The following IARS2 variants were observed in gnomAD, a reference collection of about 807,000 sequenced individuals.
The protein encoded by IARS2 is isoleucyl-tRNA synthetase 2, mitochondrial, also known as isoleucine--tRNA ligase, mitochondrial.
IARS2 carries 56 observed loss-of-function variants against 126.3 expected under a neutral mutation model. The ratio of observed to expected loss-of-function variants is 0.44; its 90% confidence interval spans 0.36 to 0.55. IARS2 has a LOEUF of 0.55. Ranked by LOEUF, IARS2 falls within the 20% of genes least tolerant of loss-of-function variation. IARS2 has a pLI of 0.00. For missense variants in IARS2, 1,127 were observed against 1,245.9 expected, an observed-to-expected ratio of 0.90 and a Z score of 1.44; for synonymous variants, 407 against 441.1, an observed-to-expected ratio of 0.92 and a Z score of 0.97.
intron 15 of IARS2, among the ~76,000 whole-genome samples, chr1:220,136,347 G>A (rs1657374836): frequency 6.6e-6 from 1 of 152,168 alleles, no homozygotes. Context: ...GGCCAGGCTG[G>A]CCTCGAGCTC....
intron 13 of IARS2, 53 bp from the exon 14 acceptor site, chr1:220,126,697 T>G (rs1657162492): frequency 1.6e-6 from 2 of 1,287,044 alleles, no homozygotes; most frequent in South Asian, 1.2e-5. Flanking sequence ...CAGTATTTGT[T>G]GTCTATATTG....
Position 220,134,437 on chromosome 1 carries a change from A to G in IARS2, c.1873A>G (p.Lys625Glu). 6.2e-7 allele frequency: 1 copy of G among 1,613,210 alleles called. No individual in the cohort carries two copies. The change falls in exon 15 of 23, where the codon AAA becomes GAA. Residue 625 changes from lysine to glutamate, a missense_variant. Coordinates refer to ENST00000366922, the MANE Select transcript of IARS2 (RefSeq NM_018060.4). ...DQRADLYLEG[K>E]DQLGGWFQSS... ...AAGAGCAGATTTGTACTTGGAAGGAAAAGACCAGCTCGGGGGTTGGTTTCA... is the reference window on the plus strand; with the variant it reads ...AAGAGCAGATTTGTACTTGGAAGGAGAAGACCAGCTCGGGGGTTGGTTTCA...
At position 220,117,048 on chromosome 1, in the gene IARS2, A is replaced by G. The variant is rs937992333; in HGVS notation, c.1640+2574A>G. On this transcript the variant is annotated intron_variant, in intron 12 of 22. Transcript: ENST00000366922. ...GGCATGAGCTACCATGCCCAGCCTCAGACTTAGTTTAAAAGAAAAAGAATT... is the reference window on the plus strand; with the variant it reads ...GGCATGAGCTACCATGCCCAGCCTCGGACTTAGTTTAAAAGAAAAAGAATT... 1.8e-4 allele frequency among the ~76,000 whole-genome samples: 28 copies of G among 151,838 alleles called. No individual in the cohort carries two copies. The East Asian group carries it at 5.1e-3, about 28-fold the overall frequency.
At chr1:220,101,873 C>A (rs1014774187) in intron 3 of IARS2, among the ~76,000 whole-genome samples, 4 of 152,018 alleles carry the variant, frequency 2.6e-5, no homozygotes, top group Non-Finnish European at 4.4e-5. Flanking sequence ...TGGTGGCGGG[C>A]GCCTGTAGTC....
chr1:220,097,610 G>A (rs1310771265), intron 2 of IARS2, among the ~76,000 whole-genome samples: 1 of 151,874 alleles, frequency 6.6e-6, no homozygotes, highest in Non-Finnish European at 1.5e-5. Flanking sequence ...TGATCTGCCC[G>A]CCTCTGCCTC....
In IARS2 at chr1:220,145,568, T is replaced by A; in HGVS notation, c.2811T>A (p.Ser937=). ...TSQLNELMMA[S]ESTLLAQEPR... The stretch of plus-strand genomic sequence containing the variant: ...AGTTGAATGAATTAATGATGGCTTC[T>A]GAGTCAACTTTACTGGCTCAGGAAC... The change falls in exon 22 of 23, where the codon TCT becomes TCA. Residue 937 remains serine, a synonymous_variant. Coordinates refer to ENST00000366922, the MANE Select transcript of IARS2 (RefSeq NM_018060.4). 6.2e-7 allele frequency: 1 copy of A among 1,613,892 alleles called. No individual in the cohort carries two copies. The highest frequency in any genetic ancestry group is 2.2e-5 in the East Asian group (1 of 44,868).
chr1:220,111,582 A>AGG (rs1656802069), intron 11 of IARS2, among the ~76,000 whole-genome samples: 1 of 138,956 alleles, frequency 7.2e-6, no homozygotes, highest in South Asian at 2.4e-4. Context: ...ATGGGTATAT[A>AGG]TATATATATA....
chr1:220,141,134 T>C (rs1435149147), intron 19 of IARS2, among the ~76,000 whole-genome samples: 2 of 152,210 alleles, frequency 1.3e-5, no homozygotes, highest in African/African-American at 2.4e-5. Context: ...TACCTCGTGA[T>C]TGAGAAGGAA....
rs1188177390 is a variant in IARS2 at position 220,094,352 on chromosome 1, T to G, written c.136T>G (p.Ser46Ala). The change falls in exon 1 of 23, where the codon TCC (serine) becomes GCC (alanine). Residue 46 changes from serine (S) to alanine (A), a missense_variant. Ser to Ala is a moderately conservative substitution (Grantham distance 99, BLOSUM62 1). Coordinates refer to ENST00000366922, the MANE Select transcript of IARS2 (RefSeq NM_018060.4). ...ATKRLLVRSV[S>A]GASNHQPNSN... ...GAAGAGGCTTCTGGTGCGGTCGGTC[T>G]CCGGGGCCAGTAACCACCAGCCGAA... 1 of 1,613,096 alleles carries G rather than the reference T, an allele frequency of 6.2e-7. No individual in the cohort carries two copies. Among genetic ancestry groups the G allele is most frequent in the South Asian group, 1.1e-5 (1 of 91,062 alleles).
At chr1:220,116,151 G>A (rs1571852418) in intron 12 of IARS2, among the ~76,000 whole-genome samples, 1 of 152,162 alleles carries the variant, frequency 6.6e-6, no homozygotes, top group Non-Finnish European at 1.5e-5. Context: ...TGAGGTTATA[G>A]TGAGCTATGA....
intron 13 of IARS2, among the ~76,000 whole-genome samples, chr1:220,126,434 G>C (rs1307200886): frequency 6.6e-6 from 1 of 152,156 alleles, no homozygotes; most frequent in African/African-American, 2.4e-5. Flanking sequence ...TGGTACATCA[G>C]GCCTTTGTAG....
At chr1:220,135,812 A>ATTTT (rs1282331832) in intron 15 of IARS2, among the ~76,000 whole-genome samples, 7 of 126,124 alleles carry the variant, frequency 5.6e-5, no homozygotes, top group African/African-American at 1.4e-4. Context: ...TTCATTTAAA[A>ATTTT]TTTTTTTTTT....
At chr1:220,109,389 G>C (rs1339929831) in intron 10 of IARS2, among the ~76,000 whole-genome samples, 2 of 145,436 alleles carry the variant, frequency 1.4e-5, no homozygotes, top group Non-Finnish European at 3.0e-5. Context: ...AACAGAGCGA[G>C]AGTCCATCTC....
chr1:220,144,065 A>T, intron 21 of IARS2: 2 of 1,242,248 alleles, frequency 1.6e-6, no homozygotes, highest in South Asian at 1.2e-5. Context: ...AACTGGCGGG[A>T]TGGAAGCAGA....
intron 12 of IARS2, chr1:220,118,182 T>A (rs1230584598): frequency 2.0e-6 from 1 of 505,458 alleles, no homozygotes; most frequent in Non-Finnish European, 4.1e-6. Context: ...AGTAACAGCA[T>A]CTCCACTGGA....
chr1:220,099,817 A>G (rs1181996036), intron 2 of IARS2, among the ~76,000 whole-genome samples: 1 of 152,210 alleles, frequency 6.6e-6, no homozygotes, highest in Non-Finnish European at 1.5e-5. Flanking sequence ...TAATGTGACA[A>G]CCACTCAGAT....
chr1:220,099,269 T>G (rs1346975695), intron 2 of IARS2, among the ~76,000 whole-genome samples: 2 of 146,774 alleles, frequency 1.4e-5, no homozygotes, highest in Non-Finnish European at 1.5e-5. Flanking sequence ...TTGTGCCACA[T>G]AGGTAAGTTA....
intron 10 of IARS2, 41 bp from the exon 11 acceptor site, chr1:220,110,745 A>T (rs1004637723): frequency 1.4e-6 from 2 of 1,450,774 alleles, no homozygotes; most frequent in Non-Finnish European, 1.9e-6. Flanking sequence ...TTTTCACAGT[A>T]CTTTTTAATT....
At position 220,102,179 on chromosome 1, in the gene IARS2, C is replaced by A. The variant is rs768101579; in HGVS notation, c.601C>A (p.Arg201Ser). Residue 201 changes from arginine (R) to serine (S), a missense_variant, in exon 4 of 23, where the codon CGT becomes AGT. Arg to Ser is a moderately radical substitution (Grantham distance 110). Coordinates refer to ENST00000366922, the MANE Select transcript of IARS2 (RefSeq NM_018060.4). ...AIEKQKSAFI[R>S]WGIMADWNNC... Reference sequence around the variant, plus strand: ...TGAGAAACAGAAATCAGCATTTATTCGTTGGGGAATAATGGCAGATTGGAA... The same window carrying A: ...TGAGAAACAGAAATCAGCATTTATTAGTTGGGGAATAATGGCAGATTGGAA... 1.2e-6 allele frequency: 2 copies of A among 1,611,010 alleles called. No individual in the cohort carries two copies. The highest frequency in any genetic ancestry group is 1.7e-5 in the Admixed American group (1 of 59,266).
Sources: allele counts gnomAD v4.1 joint callset (sites outside exome capture counted in the v4.1 genomes callset), GRCh38; gene constraint gnomAD v4.1.1; transcripts MANE v1.5; gene names NCBI Gene and HGNC (gene_info 2026-07-23, HGNC 2026-07-21).